VTI1A: variants seen among roughly 807,000 people sequenced by gnomAD.
The protein encoded by VTI1A is vesicle transport through interaction with t-SNAREs homolog 1A.
VTI1A carries 22 observed loss-of-function variants against 34.9 expected under a neutral mutation model. The ratio of observed to expected loss-of-function variants is 0.63; its 90% confidence interval spans 0.45 to 0.90. The LOEUF is 0.90. Among genes scored for constraint, VTI1A ranks in the 40% least tolerant of loss-of-function variants. The pLI, the probability that VTI1A is intolerant of heterozygous loss-of-function variation, is 0.00. For missense variants in VTI1A, 268 were observed against 275.6 expected, an observed-to-expected ratio of 0.97 and a Z score of 0.20; for synonymous variants, 87 against 97.3, an observed-to-expected ratio of 0.89 and a Z score of 0.62.
At chr10:112,449,373 A>G (rs951855036) in intron 1 of VTI1A, 7 of 152,262 alleles carry the variant, frequency 4.6e-5, no homozygotes, top group African/African-American at 1.7e-4. Context: ...AAGAAAACAG[A>G]TCGTGTTACA....
intron 3 of VTI1A, among the ~76,000 whole-genome samples, chr10:112,493,698 A>G (rs1340010442): frequency 6.6e-6 from 1 of 152,170 alleles, no homozygotes; most frequent in African/African-American, 2.4e-5. Flanking sequence ...GATTTCATCA[A>G]ATTCTATTTC....
chr10:112,763,216 G>A lies in VTI1A; in HGVS notation c.561-52074G>A, dbSNP rs191303906. 1.6e-4 allele frequency among the ~76,000 whole-genome samples: 24 copies of A among 152,044 alleles called. No individual in the cohort carries two copies. The East Asian group carries it at 2.7e-3, about 17-fold the overall frequency. ...AGCACTTTGGGAGGTCGAGGCGGGC[G>A]GATCACAAGGTCAGGAGATCGAGAC... On this transcript the variant is annotated intron_variant, in intron 7 of 7. Coordinates refer to ENST00000393077, the MANE Select transcript of VTI1A (RefSeq NM_145206.4).
At chr10:112,804,330 C>T (rs1442797960) in intron 7 of VTI1A, among the ~76,000 whole-genome samples, 1 of 152,234 alleles carries the variant, frequency 6.6e-6, no homozygotes, top group Non-Finnish European at 1.5e-5. Context: ...TTCCTGCCCC[C>T]ACCTTCCCAT....
intron 5 of VTI1A, among the ~76,000 whole-genome samples, chr10:112,611,932 A>G (rs1395818403): frequency 2.6e-5 from 4 of 151,764 alleles, no homozygotes; most frequent in African/African-American, 7.3e-5. Flanking sequence ...TAGTAGAGAC[A>G]GGGTTTCACC....
At chr10:112,797,696 G>A (rs1852719375) in intron 7 of VTI1A, among the ~76,000 whole-genome samples, 1 of 65,560 alleles carries the variant, frequency 1.5e-5, no homozygotes, top group African/African-American at 3.5e-5. Context: ...ATGACGTGAG[G>A]ATTTTTTGTT....
chr10:112,746,269 T>C (rs79557978), intron 7 of VTI1A, among the ~76,000 whole-genome samples: 14,927 of 152,242 alleles, frequency 0.098, 867 homozygotes, highest in Middle Eastern at 0.14. Flanking sequence ...TGGGAGTATT[T>C]CTCAGCATGC....
intron 7 of VTI1A, among the ~76,000 whole-genome samples, chr10:112,783,807 AGCC>A (rs1196511220): frequency 3.3e-5 from 5 of 152,324 alleles, no homozygotes; most frequent in South Asian, 2.1e-4. Context: ...CTGGGTGCTG[AGCC>A]GATTCCAGCA....
intron 7 of VTI1A, among the ~76,000 whole-genome samples, chr10:112,787,698 C>CTTTTT (rs34862909): frequency 6.4e-3 from 658 of 103,176 alleles, no homozygotes; most frequent in African/African-American, 8.0e-3. Context: ...TTTTTCTTTT[C>CTTTTT]TTTTTTTTTT....
intron 3 of VTI1A, among the ~76,000 whole-genome samples, chr10:112,502,396 T>C (rs1327293759): frequency 6.6e-6 from 1 of 152,218 alleles, no homozygotes; most frequent in Non-Finnish European, 1.5e-5. Context: ...GATATTCATA[T>C]TTGCTTGTTG....
chr10:112,846,486 G>A, the VTI1A span, among the ~76,000 whole-genome samples: 4 of 151,992 alleles, frequency 2.6e-5, no homozygotes, highest in African/African-American at 9.7e-5. Flanking sequence ...TGGCCAGTGG[G>A]CGGGATGTGG....
chr10:112,464,395 G>A, intron 2 of VTI1A, 152 bp from the exon 3 acceptor site: 1 of 633,404 alleles, frequency 1.6e-6, no homozygotes, highest in Non-Finnish European at 2.7e-6. Flanking sequence ...AAGTGTAAAA[G>A]TAGTTTCAGT....
At chr10:112,702,576 C>G (rs142523968) in intron 7 of VTI1A, among the ~76,000 whole-genome samples, 1 of 151,806 alleles carries the variant, frequency 6.6e-6, no homozygotes, top group Non-Finnish European at 1.5e-5. Flanking sequence ...TGTGCCACCA[C>G]ACCCAGCTAA....
chr10:112,738,038 T>C (rs1427240057), intron 7 of VTI1A, among the ~76,000 whole-genome samples: 2 of 152,204 alleles, frequency 1.3e-5, no homozygotes, highest in African/African-American at 4.8e-5. Context: ...GATTATTCAC[T>C]GCACCACAAT....
At chr10:112,843,277 C>T in the VTI1A span, among the ~76,000 whole-genome samples, 3 of 152,202 alleles carry the variant, frequency 2.0e-5, no homozygotes, top group Admixed American at 6.5e-5. Flanking sequence ...AAGTGTGTGA[C>T]CATGATGCTA....
the VTI1A span, chr10:112,832,122 G>A: frequency 3.9e-5 from 6 of 152,208 alleles, no homozygotes; most frequent in Admixed American, 3.3e-4. Flanking sequence ...GCTGTTTGAT[G>A]TGTTCTAGAC....
At chr10:112,566,471 C>T (rs918987510) in intron 5 of VTI1A, among the ~76,000 whole-genome samples, 1 of 152,146 alleles carries the variant, frequency 6.6e-6, no homozygotes, top group Admixed American at 6.5e-5. Flanking sequence ...TACATTTAAA[C>T]GTCCTTCTTT....
intron 7 of VTI1A, among the ~76,000 whole-genome samples, chr10:112,723,524 C>T (rs923052153): frequency 2.6e-5 from 4 of 152,074 alleles, no homozygotes; most frequent in East Asian, 1.9e-4. Context: ...GTTTCTGTTT[C>T]GTAACTGGGA....
chr10:112,750,928 C>T lies in VTI1A; in HGVS notation c.561-64362C>T, dbSNP rs190916350. On this transcript the variant is annotated intron_variant, in intron 7 of 7. Transcript: ENST00000393077. ...CTATCTTTGAGATAACAAAGGTTTC[C>T]ACAGACACACGTACCACATGGGATT... Among the ~76,000 whole-genome samples, 13 of 152,312 alleles carry T rather than the reference C, an allele frequency of 8.5e-5. No homozygotes were observed. The East Asian group carries it at 9.7e-4, about 11-fold the overall frequency.
intron 5 of VTI1A, among the ~76,000 whole-genome samples, chr10:112,618,854 C>T (rs1282803201): frequency 6.6e-6 from 1 of 151,988 alleles, no homozygotes. Context: ...AGGGGTAGTT[C>T]AGCTTGACTG....
Sources: gnomAD v4.1 joint callset for allele counts (sites outside exome capture counted in the v4.1 genomes callset) on GRCh38, gnomAD v4.1.1 for gene constraint, MANE v1.5 for transcripts, NCBI Gene and HGNC (gene_info 2026-07-23, HGNC 2026-07-21) for gene names.